FBXL7: variants seen among roughly 807,000 people sequenced by gnomAD.
FBXL7 encodes F-box and leucine rich repeat protein 7.
Under a neutral mutation model 38.3 loss-of-function variants are expected in FBXL7, and 12 were observed. That is an observed-to-expected ratio of 0.31 (90% CI 0.20 to 0.51). The LOEUF is 0.51. Among genes scored for constraint, FBXL7 ranks in the 20% least tolerant of loss-of-function variants. The probability of loss-of-function intolerance (pLI) is 0.98; values close to 1 mark genes in which losing one functional copy is unlikely to be tolerated. For synonymous variants in FBXL7, 297 were observed against 300.9 expected (o/e 0.99, Z 0.13); for missense variants, 567 against 676.4 (o/e 0.84, Z 1.79).
intron 2 of FBXL7, among the ~76,000 whole-genome samples, chr5:15,843,676 AT>A (rs919236782): frequency 6.6e-6 from 1 of 152,158 alleles, no homozygotes; most frequent in African/African-American, 2.4e-5. Context: ...TTTGAGACAT[AT>A]TGCAAATTAC....
chr5:15,577,709 A>C, intron 1 of FBXL7, among the ~76,000 whole-genome samples: 1 of 151,990 alleles, frequency 6.6e-6, no homozygotes, highest in Non-Finnish European at 1.5e-5. Context: ...AAAGTTGTTA[A>C]GAAAAATGAA....
chr5:15,822,551 C>T (rs867410742), intron 2 of FBXL7, among the ~76,000 whole-genome samples: 4 of 151,570 alleles, frequency 2.6e-5, no homozygotes, highest in African/African-American at 9.7e-5. Flanking sequence ...TTTTAATTAT[C>T]GTACTTAGCC....
chr5:15,923,873 A>C (rs2126450713), intron 2 of FBXL7, among the ~76,000 whole-genome samples: 1 of 152,074 alleles, frequency 6.6e-6, no homozygotes, highest in East Asian at 1.9e-4. Flanking sequence ...TGCACAGGGT[A>C]AGTATCTTTC....
intron 2 of FBXL7, among the ~76,000 whole-genome samples, chr5:15,919,015 G>A (rs1406150710): frequency 6.6e-6 from 1 of 152,108 alleles, no homozygotes; most frequent in Non-Finnish European, 1.5e-5. Flanking sequence ...AAAAACGATC[G>A]CTCAGATTGT....
At chr5:15,564,059 A>G (rs1738492787) in intron 1 of FBXL7, among the ~76,000 whole-genome samples, 1 of 152,040 alleles carries the variant, frequency 6.6e-6, no homozygotes, top group Non-Finnish European at 1.5e-5. Context: ...GTAACAGATG[A>G]TTTGTGAATG....
intron 2 of FBXL7, among the ~76,000 whole-genome samples, chr5:15,627,592 G>A (rs1740860875): frequency 6.6e-6 from 1 of 152,104 alleles, no homozygotes; most frequent in Admixed American, 6.6e-5. Context: ...GGTTTCAATG[G>A]AGCCCATATT....
At chr5:15,642,178 G>A (rs1741388392) in intron 2 of FBXL7, among the ~76,000 whole-genome samples, 1 of 152,070 alleles carries the variant, frequency 6.6e-6, no homozygotes, top group African/African-American at 2.4e-5. Flanking sequence ...ACCCATCCTT[G>A]ATCTGGTGAT....
chr5:15,882,885 G>A (rs957857625), intron 2 of FBXL7, among the ~76,000 whole-genome samples: 17 of 150,774 alleles, frequency 1.1e-4, no homozygotes, highest in African/African-American at 4.0e-4. Flanking sequence ...AGCTCTTCAT[G>A]TTGAAAATAA....
intron 2 of FBXL7, among the ~76,000 whole-genome samples, chr5:15,815,230 T>C (rs186226782): frequency 1.8e-4 from 28 of 152,144 alleles, no homozygotes; most frequent in Admixed American, 4.6e-4. Flanking sequence ...AATTATCTCA[T>C]TGATTGAAAG....
intron 2 of FBXL7, among the ~76,000 whole-genome samples, chr5:15,886,354 CT>C (rs1388521152): frequency 6.6e-6 from 1 of 152,060 alleles, no homozygotes; most frequent in East Asian, 1.9e-4. Flanking sequence ...GGGAAAGGCT[CT>C]GTGTCCCTGT....
At chr5:15,580,904 T>C in intron 1 of FBXL7, 1 of 812,272 alleles carries the variant, frequency 1.2e-6, no homozygotes, top group Admixed American at 6.2e-5. Flanking sequence ...TGGAATCCTG[T>C]GATCCACTCT....
At chr5:15,735,769 A>G (rs990431547) in intron 2 of FBXL7, among the ~76,000 whole-genome samples, 2 of 152,234 alleles carry the variant, frequency 1.3e-5, no homozygotes, top group Admixed American at 6.5e-5. Context: ...ATGGTGAATG[A>G]TGATCCAGAG....
At chr5:15,567,912 C>G (rs1241594124) in intron 1 of FBXL7, among the ~76,000 whole-genome samples, 1 of 152,138 alleles carries the variant, frequency 6.6e-6, no homozygotes. Flanking sequence ...CATGTCCCTA[C>G]AAAAGACATA....
intron 2 of FBXL7, among the ~76,000 whole-genome samples, chr5:15,760,879 G>A (rs555726848): frequency 4.6e-5 from 7 of 151,898 alleles, no homozygotes; most frequent in Non-Finnish European, 8.8e-5. Context: ...TTAGCAAAAT[G>A]TCAAATGGGA....
chr5:15,916,051 C>T (rs986907217), intron 2 of FBXL7, among the ~76,000 whole-genome samples: 1 of 152,064 alleles, frequency 6.6e-6, no homozygotes, highest in Non-Finnish European at 1.5e-5. Context: ...GAACGTAAGG[C>T]GGAACTTTTG....
intron 2 of FBXL7, among the ~76,000 whole-genome samples, chr5:15,762,824 G>A (rs1043851992): frequency 2.6e-5 from 4 of 152,120 alleles, no homozygotes; most frequent in Admixed American, 6.5e-5. Context: ...ATTACGTAGT[G>A]TCTTCCTAAA....
intron 2 of FBXL7, among the ~76,000 whole-genome samples, chr5:15,855,537 G>A (rs1445201952): frequency 6.6e-6 from 1 of 152,000 alleles, no homozygotes; most frequent in African/African-American, 2.4e-5. Context: ...AAATAACTCT[G>A]ATCGTAGGAA....
At chr5:15,556,010 T>TATCTATCATCTATC (rs151334893) in intron 1 of FBXL7, among the ~76,000 whole-genome samples, 9 of 99,644 alleles carry the variant, frequency 9.0e-5, no homozygotes, top group African/African-American at 3.2e-4. Context: ...TCTATCTATC[T>TATCTATCATCTATC]ATCTATCATC....
At chr5:15,537,784 A>G (rs1737628740) in intron 1 of FBXL7, among the ~76,000 whole-genome samples, 1 of 152,254 alleles carries the variant, frequency 6.6e-6, no homozygotes, top group Admixed American at 6.5e-5. Flanking sequence ...TAAGTCTCCC[A>G]TGAGCAGGAG....
Sources: allele counts gnomAD v4.1 joint callset (sites outside exome capture counted in the v4.1 genomes callset), GRCh38; gene constraint gnomAD v4.1.1; transcripts MANE v1.5; gene names NCBI Gene and HGNC (gene_info 2026-07-23, HGNC 2026-07-21).